Variants in ATM observed in about 807,000 individuals in gnomAD.
ATM encodes serine-protein kinase ATM.
Under a neutral mutation model 387.0 loss-of-function variants are expected in ATM, and 308 were observed. The ratio of observed to expected loss-of-function variants is 0.80; its 90% CI spans 0.73 to 0.87. The LOEUF (loss-of-function observed/expected upper bound fraction) is 0.87. Among genes scored for constraint, ATM ranks in the 40% least tolerant of loss-of-function variants. ATM has a pLI of 0.00. For missense variants in ATM, 3,312 were observed against 3,560.9 expected, an observed-to-expected ratio of 0.93 and a Z score of 1.78; for synonymous variants, 1,156 against 1,187.3, an observed-to-expected ratio of 0.97 and a Z score of 0.54.
rs376158749 is a variant in ATM, at chr11:108,317,615, TTATATATATATATA to T, written c.6347+119_6347+132del. On this transcript the variant is annotated intron_variant, in intron 43 of 62. Transcript: ENST00000675843. ...TTCTATGAATATAACAGGAGTTGTT[TTATATATATATATA>T]TATATATATATATATATATATATAC... The T allele has an allele frequency of 3.2e-4, 69 of 215,350 alleles. 3 individuals carry two copies. The highest frequency in any genetic ancestry group is 1.0e-3 in the Admixed American group (15 of 14,860). 13.3% of individuals were successfully genotyped at this position (215,350 alleles called of 1,614,324 possible).
chr11:108,362,142 A>G (rs1481458114), intron 61 of ATM, among the ~76,000 whole-genome samples: 5 of 142,976 alleles, frequency 3.5e-5, no homozygotes, highest in Non-Finnish European at 6.1e-5. Context: ...GGTGAAGGAC[A>G]TGAACAGACA....
intron 23 of ATM, among the ~76,000 whole-genome samples, chr11:108,280,760 G>A (rs1330114760): frequency 3.9e-5 from 6 of 152,150 alleles, no homozygotes; most frequent in Non-Finnish European, 8.8e-5. Flanking sequence ...ATGGATGAAG[G>A]AATTGACTTA....
chr11:108,289,161 CT>C, intron 28 of ATM, 58 bp downstream of exon 28: 1 of 1,511,882 alleles, frequency 6.6e-7, no homozygotes, highest in Non-Finnish European at 9.0e-7. Context: ...GCTAAAAAAA[CT>C]TTGTAAATAC....
chr11:108,312,979 C>G (rs925109854), intron 40 of ATM, among the ~76,000 whole-genome samples: 7 of 152,138 alleles, frequency 4.6e-5, no homozygotes, highest in Admixed American at 6.5e-5. Flanking sequence ...TCAGCTTCTC[C>G]ATTCTGCTTA....
At chr11:108,306,604 C>T (rs1429926209) in intron 37 of ATM, among the ~76,000 whole-genome samples, 1 of 152,082 alleles carries the variant, frequency 6.6e-6, no homozygotes, top group Non-Finnish European at 1.5e-5. Context: ...TTTATTTTAT[C>T]TGTATACAGT....
intron 36 of ATM, among the ~76,000 whole-genome samples, chr11:108,303,332 C>G (rs999115153): frequency 6.6e-6 from 1 of 152,104 alleles, no homozygotes; most frequent in Admixed American, 6.5e-5. Context: ...TTTACGTCTT[C>G]TGATAAGAGC....
Position 108,289,589 on chromosome 11 carries a change from G to A in ATM, c.4237-13G>A, listed in dbSNP as rs778685615. ...AATTAAACAAGTTTTTACTAAATCT[G>A]TTTATTTTCTAGGATTCCTATCAGA... is the stretch of plus-strand genomic sequence containing the variant. On this transcript the variant is annotated splice_polypyrimidine_tract_variant and intron_variant, in intron 28 of 62. Coordinates refer to ENST00000675843, the MANE Select transcript of ATM (RefSeq NM_000051.4). The A allele has an allele frequency of 1.3e-6, 2 of 1,593,536 alleles. No individual in the cohort carries two copies. The highest frequency in any genetic ancestry group is 2.7e-5 in the African/African-American group (2 of 74,072).
At chr11:108,237,287 T>C (rs1222233478) in intron 5 of ATM, among the ~76,000 whole-genome samples, 3 of 152,144 alleles carry the variant, frequency 2.0e-5, no homozygotes, top group Non-Finnish European at 4.4e-5. Context: ...GATATCTAGG[T>C]TACCTAACCA....
Position 108,275,661 on chromosome 11 carries a change from A to C in ATM, c.3284+2809A>C, listed in dbSNP as rs548899254. ...GATATGAAATTCTGGGTTGAAAATT[A>C]TTTTCTTTAAGAGTGTTGAATATTG... On this transcript the variant is annotated intron_variant, in intron 22 of 62. Coordinates refer to ENST00000675843, the MANE Select transcript of ATM (RefSeq NM_000051.4). Among the ~76,000 whole-genome samples the C allele has an allele frequency of 3.6e-3, 547 of 152,116 alleles. 1 individual carries two copies. Among genetic ancestry groups the C allele is most frequent in the African/African-American group, 0.012 (517 of 41,498 alleles).
chr11:108,341,092 C>A (rs1285843893), intron 56 of ATM, among the ~76,000 whole-genome samples: 1 of 151,968 alleles, frequency 6.6e-6, no homozygotes, highest in African/African-American at 2.4e-5. Flanking sequence ...TGCTGTTCTC[C>A]CTCCAGCCTT....
At chr11:108,288,685 G>C (rs926222523) in intron 27 of ATM, among the ~76,000 whole-genome samples, 1 of 151,602 alleles carries the variant, frequency 6.6e-6, no homozygotes, top group East Asian at 1.9e-4. Context: ...GTAATACTGA[G>C]GCTCATTTAT....
At chr11:108,242,114 G>A (rs1019851435) in intron 5 of ATM, among the ~76,000 whole-genome samples, 29 of 151,066 alleles carry the variant, frequency 1.9e-4, no homozygotes, top group African/African-American at 6.8e-4. Context: ...TGAGACTTCC[G>A]TCTCTTAAAA....
chr11:108,295,330 A>T, intron 32 of ATM: 1 of 377,038 alleles, frequency 2.7e-6, no homozygotes. Context: ...TTTAAGAGAC[A>T]GAGTTTTTTT....
Position 108,356,263 on chromosome 11 carries a change from C to T in ATM, c.8850+1389C>T, listed in dbSNP as rs142653145. ...CATGTAAGAAAAAGAGGGCTGGGCG[C>T]GGTGGCTCATGCCTGTAATCCCAGC... is the stretch of plus-strand genomic sequence containing the variant. On this transcript the variant is annotated intron_variant, in intron 61 of 62. Transcript: ENST00000675843. Among the ~76,000 whole-genome samples, 483 of 152,156 alleles carry T rather than the reference C, an allele frequency of 3.2e-3. 2 individuals carry two copies. The highest frequency in any genetic ancestry group is 4.9e-3 in the Non-Finnish European group (332 of 67,986).
At chr11:108,252,978 T>C in intron 12 of ATM, 66 bp downstream of exon 12, 2 of 1,369,394 alleles carry the variant, frequency 1.5e-6, no homozygotes, top group Non-Finnish European at 2.1e-6. Context: ...ATGATAATTT[T>C]AGCTGGGTAG....
In ATM at chr11:108,304,743, T is replaced by C. The variant is rs1565481888; in HGVS notation, c.5565T>C (p.Asn1855=). ...ATGATATTTTACTCCAAGATACAAA[T>C]GAATCATGGAGAAATCTGCTTTCTA... ...LIHDILLQDT[N]ESWRNLLSTH... is the part of the protein sequence containing the mutation. The change falls in exon 37 of 63, where the codon AAT becomes AAC. Residue 1855 remains asparagine, a synonymous_variant. Transcript: ENST00000675843. The C allele has an allele frequency of 1.2e-6, 2 of 1,614,112 alleles. No individual in the cohort carries two copies. Among genetic ancestry groups the C allele is most frequent in the Non-Finnish European group, 1.7e-6 (2 of 1,179,988 alleles).
intron 16 of ATM, among the ~76,000 whole-genome samples, chr11:108,265,167 A>G (rs1286681466): frequency 5.9e-5 from 9 of 151,782 alleles, no homozygotes; most frequent in Non-Finnish European, 1.2e-4. Context: ...AAGAGCCCGC[A>G]TCGGCAAGTC....
rs12362921 is a variant in ATM, at chr11:108,358,704, C to A, written c.8850+3830C>A. Among the ~76,000 whole-genome samples the A allele has an allele frequency of 3.3e-3, 490 of 149,650 alleles. 3 individuals are homozygous for A. Among genetic ancestry groups the A allele is most frequent in the East Asian group, 4.9e-3 (25 of 5,058 alleles). On this transcript the variant is annotated intron_variant, in intron 61 of 62. Coordinates refer to ENST00000675843, the MANE Select transcript of ATM (RefSeq NM_000051.4). ...CATATCCAGCCAAACTAAGCTTCAT[C>A]AGTGAAGTAGAAATAAAATACTTTA...
chr11:108,280,279 T>G (rs2082164634), intron 23 of ATM, among the ~76,000 whole-genome samples: 1 of 152,074 alleles, frequency 6.6e-6, no homozygotes, highest in African/African-American at 2.4e-5. Flanking sequence ...CAGCCTGTCA[T>G]CTGCAAAAAG....
Sources: gnomAD v4.1 joint callset for allele counts (sites outside exome capture counted in the v4.1 genomes callset) on GRCh38, gnomAD v4.1.1 for gene constraint, MANE v1.5 for transcripts, NCBI Gene and HGNC (gene_info 2026-07-23, HGNC 2026-07-21) for gene names.